RGS6: variants seen among roughly 807,000 people sequenced by gnomAD.
RGS6 encodes regulator of G-protein signaling 6.
A neutral mutation model predicts 78.5 loss-of-function variants in RGS6; 30 were observed. The ratio of observed to expected loss-of-function variants is 0.38; its 90% confidence interval spans 0.29 to 0.52. The LOEUF (loss-of-function observed/expected upper bound fraction) is 0.52. RGS6 is among the 20% of genes least tolerant of loss of function. The probability of loss-of-function intolerance (pLI) is 0.85; values close to 1 mark genes in which losing one functional copy is unlikely to be tolerated. For missense variants in RGS6, 495 were observed against 609.7 expected, an observed-to-expected ratio of 0.81 and a Z score of 1.98; for synonymous variants, 206 against 206.0, an observed-to-expected ratio of 1.00 and a Z score of 0.00.
intron 17 of RGS6, among the ~76,000 whole-genome samples, chr14:72,554,208 G>T (rs2097541428): frequency 6.6e-6 from 1 of 152,220 alleles, no homozygotes; most frequent in African/African-American, 2.4e-5. Context: ...GCAATTCTAG[G>T]CTCCGCCTTT....
intron 2 of RGS6, among the ~76,000 whole-genome samples, chr14:72,124,903 A>C (rs1390636532): frequency 6.6e-6 from 1 of 152,230 alleles, no homozygotes; most frequent in Non-Finnish European, 1.5e-5. Flanking sequence ...GCCAAAAGTC[A>C]GATAAACAAC....
chr14:71,892,593 T>C, the RGS6 span, among the ~76,000 whole-genome samples: 1 of 152,184 alleles, frequency 6.6e-6, no homozygotes, highest in Non-Finnish European at 1.5e-5. Context: ...AGTATAACCT[T>C]GGTGAGCATT....
At chr14:72,361,754 G>C (rs895895387) in intron 3 of RGS6, among the ~76,000 whole-genome samples, 1 of 152,120 alleles carries the variant, frequency 6.6e-6, no homozygotes, top group Non-Finnish European at 1.5e-5. Context: ...AAAGGACCAG[G>C]GATCAGCAGA....
At chr14:72,182,382 G>A (rs1038930882) in intron 2 of RGS6, among the ~76,000 whole-genome samples, 3 of 143,794 alleles carry the variant, frequency 2.1e-5, no homozygotes, top group Non-Finnish European at 3.0e-5. Context: ...GGAGGTTGCT[G>A]TGAGTCGAGA....
intron 14 of RGS6, 73 bp downstream of exon 14, chr14:72,510,352 T>C: frequency 6.4e-7 from 1 of 1,572,274 alleles, no homozygotes; most frequent in African/African-American, 1.4e-5. Flanking sequence ...TCTCCATCTC[T>C]CTCTCTCTCA....
chr14:72,561,689 T>C (rs564944172), intron 17 of RGS6, among the ~76,000 whole-genome samples: 2 of 152,314 alleles, frequency 1.3e-5, no homozygotes, highest in East Asian at 3.9e-4. Flanking sequence ...TGTTTTAGTT[T>C]TTGAGAAGAA....
chr14:72,301,745 C>G lies in RGS6; in HGVS notation c.85-50350C>G, dbSNP rs568051787. On this transcript the variant is annotated intron_variant, in intron 2 of 17. Coordinates refer to ENST00000553525, the MANE Select transcript of RGS6 (RefSeq NM_001204424.2). ...TATGTTGTTGGCTGACAAGCTTTGG[C>G]ATTCCTTGGCTTGTAGAAGCATCTC... is the stretch of plus-strand genomic sequence containing the variant. Among the ~76,000 whole-genome samples, 3 of 152,254 alleles carry G rather than the reference C, an allele frequency of 2.0e-5. No individual in the cohort carries two copies. In the South Asian group the frequency reaches 6.2e-4, roughly 32 times the overall value.
At chr14:72,442,576 G>A (rs962510815) in intron 3 of RGS6, among the ~76,000 whole-genome samples, 3 of 152,198 alleles carry the variant, frequency 2.0e-5, no homozygotes, top group Non-Finnish European at 4.4e-5. Flanking sequence ...GAATAAAAAT[G>A]TTCAAGTCGT....
At chr14:72,534,919 A>G (rs1242665452) in intron 15 of RGS6, among the ~76,000 whole-genome samples, 1 of 152,196 alleles carries the variant, frequency 6.6e-6, no homozygotes, top group Non-Finnish European at 1.5e-5. Flanking sequence ...CAATGAGCAT[A>G]CATGGGGGAA....
At chr14:72,104,202 C>A (rs187108529) in intron 2 of RGS6, among the ~76,000 whole-genome samples, 1 of 152,062 alleles carries the variant, frequency 6.6e-6, no homozygotes, top group African/African-American at 2.4e-5. Flanking sequence ...TTGCTCTCTC[C>A]CCCTCTAGGT....
At chr14:72,396,050 T>G (rs1367383643) in intron 3 of RGS6, among the ~76,000 whole-genome samples, 2 of 152,150 alleles carry the variant, frequency 1.3e-5, no homozygotes, top group Non-Finnish European at 2.9e-5. Flanking sequence ...ATATACCCAG[T>G]AATGGGATGG....
chr14:72,456,420 G>C (rs868835682), intron 4 of RGS6, among the ~76,000 whole-genome samples: 1 of 152,352 alleles, frequency 6.6e-6, no homozygotes, highest in Non-Finnish European at 1.5e-5. Context: ...CTCCCGAGTA[G>C]CTGGGACTAT....
At chr14:72,438,931 C>G (rs1387754210) in intron 3 of RGS6, among the ~76,000 whole-genome samples, 5 of 152,270 alleles carry the variant, frequency 3.3e-5, no homozygotes, top group Admixed American at 1.3e-4. Flanking sequence ...GAGCCTGCCT[C>G]TTGCCCTCTG....
chr14:72,453,451 T>A (rs2095545925), intron 3 of RGS6, among the ~76,000 whole-genome samples: 1 of 147,298 alleles, frequency 6.8e-6, no homozygotes. Context: ...CCGTCTCTAC[T>A]AAAAATACAA....
intron 2 of RGS6, among the ~76,000 whole-genome samples, chr14:72,164,163 TGTTA>T (rs1380886058): frequency 6.6e-6 from 1 of 152,180 alleles, no homozygotes; most frequent in South Asian, 2.1e-4. Context: ...ACAGCTGTCC[TGTTA>T]GTTGTAGCAT....
chr14:72,105,207 GACTCCTTGACCA>G (rs1295371495), intron 2 of RGS6, among the ~76,000 whole-genome samples: 1 of 152,222 alleles, frequency 6.6e-6, no homozygotes, highest in Non-Finnish European at 1.5e-5. Context: ...CACAGATGAT[GACTCCTTGACCA>G]GTGGGACAGG....
intron 3 of RGS6, among the ~76,000 whole-genome samples, chr14:72,413,928 T>C (rs887716822): frequency 2.6e-5 from 4 of 152,120 alleles, no homozygotes; most frequent in African/African-American, 7.2e-5. Context: ...GAGTTTCTGC[T>C]GAGAGATCAG....
chr14:72,095,036 C>T (rs1284912424), intron 2 of RGS6, among the ~76,000 whole-genome samples: 3 of 151,904 alleles, frequency 2.0e-5, no homozygotes, highest in South Asian at 2.1e-4. Context: ...TTCCTTGGTA[C>T]GAGGCTATTT....
At chr14:72,434,474 C>T (rs904522112) in intron 3 of RGS6, among the ~76,000 whole-genome samples, 1 of 152,200 alleles carries the variant, frequency 6.6e-6, no homozygotes, top group African/African-American at 2.4e-5. Flanking sequence ...TCTTCTGTAG[C>T]ATTCAATGCA....
Sources: gnomAD v4.1 joint callset for allele counts (sites outside exome capture counted in the v4.1 genomes callset) on GRCh38, gnomAD v4.1.1 for gene constraint, MANE v1.5 for transcripts, NCBI Gene and HGNC (gene_info 2026-07-23, HGNC 2026-07-21) for gene names.